Variants in GNAQ observed in about 807,000 individuals in gnomAD.
The protein encoded by GNAQ is G protein subunit alpha q, also known as guanine nucleotide-binding protein G(q) subunit alpha.
Under a neutral mutation model 43.9 loss-of-function variants are expected in GNAQ, and 8 were observed. The ratio of observed to expected loss-of-function variants is 0.18; its 90% CI spans 0.11 to 0.33. GNAQ has a LOEUF of 0.33. Among genes scored for constraint, GNAQ ranks in the 10% least tolerant of loss-of-function variants. The pLI, the probability that GNAQ is intolerant of heterozygous loss-of-function variation, is 1.00. For synonymous variants in GNAQ, 155 were observed against 170.7 expected (o/e 0.91, Z 0.71); for missense variants, 158 against 450.8 (o/e 0.35, Z 5.88).
At chr9:77,854,598 T>C (rs1314371143) in intron 2 of GNAQ, among the ~76,000 whole-genome samples, 1 of 152,218 alleles carries the variant, frequency 6.6e-6, no homozygotes, top group African/African-American at 2.4e-5. Context: ...CCTTATTTTC[T>C]CTGCCCTGGT....
intron 2 of GNAQ, among the ~76,000 whole-genome samples, chr9:77,883,730 C>A (rs1043127405): frequency 6.6e-6 from 1 of 151,960 alleles, no homozygotes; most frequent in African/African-American, 2.4e-5. Context: ...AGTCTGTGGA[C>A]CAGGGTACAA....
At chr9:77,872,117 C>T (rs965142289) in intron 2 of GNAQ, among the ~76,000 whole-genome samples, 1 of 152,170 alleles carries the variant, frequency 6.6e-6, no homozygotes, top group Non-Finnish European at 1.5e-5. Flanking sequence ...TTATACCTTC[C>T]TACCATATTT....
chr9:77,728,967 G>A (rs1009060778), intron 5 of GNAQ, among the ~76,000 whole-genome samples: 1 of 152,160 alleles, frequency 6.6e-6, no homozygotes, highest in African/African-American at 2.4e-5. Context: ...TTGTGAATCT[G>A]GAACACTGTC....
intron 2 of GNAQ, among the ~76,000 whole-genome samples, chr9:77,884,254 T>C (rs1213864576): frequency 3.9e-5 from 6 of 152,200 alleles, no homozygotes; most frequent in South Asian, 2.1e-4. Flanking sequence ...GGCAAGCCCC[T>C]GTGGGGGTGT....
chr9:77,862,513 T>TTCAGC (rs1827870479), intron 2 of GNAQ, among the ~76,000 whole-genome samples: 1 of 152,144 alleles, frequency 6.6e-6, no homozygotes, highest in Non-Finnish European at 1.5e-5. Context: ...CTTGGCCCCT[T>TTCAGC]TCAGCTACTA....
intron 2 of GNAQ, 37 bp downstream of exon 2, chr9:77,922,124 C>T (rs770942951): frequency 1.4e-6 from 2 of 1,451,298 alleles, no homozygotes; most frequent in East Asian, 4.6e-5. Flanking sequence ...ACACCTGGAA[C>T]ATTCAGCTGA....
chr9:77,975,741 T>C (rs760419143), intron 1 of GNAQ, among the ~76,000 whole-genome samples: 2 of 152,100 alleles, frequency 1.3e-5, no homozygotes, highest in Non-Finnish European at 2.9e-5. Flanking sequence ...GGTTTCACCA[T>C]GTTGGCCAGG....
At chr9:77,898,895 G>T (rs1587395463) in intron 2 of GNAQ, among the ~76,000 whole-genome samples, 1 of 152,076 alleles carries the variant, frequency 6.6e-6, no homozygotes, top group African/African-American at 2.4e-5. Flanking sequence ...TTTGCAACTT[G>T]CTTTATAAAA....
At chr9:77,752,080 T>G (rs893646811) in intron 5 of GNAQ, among the ~76,000 whole-genome samples, 1 of 152,168 alleles carries the variant, frequency 6.6e-6, no homozygotes, top group Non-Finnish European at 1.5e-5. Flanking sequence ...ATGCACGCAG[T>G]GGGAAGGAAA....
At chr9:77,743,286 C>CA (rs141984612) in intron 5 of GNAQ, among the ~76,000 whole-genome samples, 5,259 of 151,548 alleles carry the variant, frequency 0.035, 141 homozygotes, top group South Asian at 0.047. Context: ...AACAAACAAA[C>CA]AAAAAAAACA....
At chr9:77,857,723 C>T (rs576936435) in intron 2 of GNAQ, among the ~76,000 whole-genome samples, 74 of 150,636 alleles carry the variant, frequency 4.9e-4, no homozygotes, top group Non-Finnish European at 7.8e-4. Flanking sequence ...AAAGAGTCTA[C>T]CTAAATTTCT....
intron 2 of GNAQ, among the ~76,000 whole-genome samples, chr9:77,904,316 G>GTTTTTT (rs1564146679): frequency 3.9e-5 from 4 of 103,252 alleles, no homozygotes; most frequent in African/African-American, 7.7e-5. Flanking sequence ...GTTCACACCG[G>GTTTTTT]CTTTTTTTTT....
chr9:77,999,172 GA>G (rs1329385664), intron 1 of GNAQ, among the ~76,000 whole-genome samples: 3 of 145,908 alleles, frequency 2.1e-5, no homozygotes, highest in Non-Finnish European at 3.0e-5. Context: ...CACAACTGTA[GA>G]TTACCTATAA....
At chr9:77,956,273 A>G (rs1322450436) in intron 1 of GNAQ, among the ~76,000 whole-genome samples, 1 of 152,206 alleles carries the variant, frequency 6.6e-6, no homozygotes, top group Non-Finnish European at 1.5e-5. Context: ...CGAAATGTAT[A>G]GGCCCTAAAG....
chr9:78,008,566 ATTTATTTCATTTCAT>A lies in GNAQ; in HGVS notation c.136+22519_136+22533del, dbSNP rs1219633638. On this transcript the variant is annotated intron_variant, in intron 1 of 6. Coordinates refer to ENST00000286548, the MANE Select transcript of GNAQ (RefSeq NM_002072.5). ...TAATGCAACTTTCACTTAACTATCGATTTATTTCATTTCATTTCATTTCATTTCATTTCATTTCAT... is the reference window on the plus strand; with the variant it reads ...TAATGCAACTTTCACTTAACTATCGATTCATTTCATTTCATTTCATTTCAT... 2.7e-5 allele frequency among the ~76,000 whole-genome samples: 4 copies of A among 145,742 alleles called. No individual in the cohort carries two copies. In the East Asian group the frequency reaches 8.2e-4, roughly 30 times the overall value.
intron 5 of GNAQ, among the ~76,000 whole-genome samples, chr9:77,771,064 T>G (rs1826215590): frequency 6.6e-6 from 1 of 152,196 alleles, no homozygotes; most frequent in African/African-American, 2.4e-5. Flanking sequence ...ATTATCCCAG[T>G]TCAATGGGCA....
At chr9:77,829,711 G>A (rs545959030) in intron 2 of GNAQ, among the ~76,000 whole-genome samples, 25 of 152,094 alleles carry the variant, frequency 1.6e-4, no homozygotes, top group Non-Finnish European at 2.8e-4. Context: ...CTTCTGCATC[G>A]CCTTAGAGCT....
intron 2 of GNAQ, among the ~76,000 whole-genome samples, chr9:77,879,570 G>C (rs933800549): frequency 2.0e-5 from 3 of 152,192 alleles, no homozygotes; most frequent in African/African-American, 7.2e-5. Flanking sequence ...TTTTCTTACT[G>C]GACGTATGAG....
chr9:77,983,915 T>C (rs1258881187), intron 1 of GNAQ, among the ~76,000 whole-genome samples: 2 of 151,836 alleles, frequency 1.3e-5, no homozygotes, highest in African/African-American at 4.8e-5. Flanking sequence ...TCCTACTGTG[T>C]GGGCATTTTG....
Sources: gnomAD v4.1 joint callset for allele counts (sites outside exome capture counted in the v4.1 genomes callset) on GRCh38, gnomAD v4.1.1 for gene constraint, MANE v1.5 for transcripts, NCBI Gene and HGNC (gene_info 2026-07-23, HGNC 2026-07-21) for gene names.